The following TIAM2 variants were observed in gnomAD, a reference collection of about 807,000 sequenced individuals.
The protein encoded by TIAM2 is rho guanine nucleotide exchange factor TIAM2.
TIAM2 carries 80 observed loss-of-function variants against 152.9 expected under a neutral mutation model. The observed-to-expected ratio is 0.52, with a 90% confidence interval of 0.44 to 0.63. The LOEUF is 0.63. Ranked by LOEUF, TIAM2 falls within the 30% of genes least tolerant of loss-of-function variation. TIAM2 has a pLI of 0.00. For missense variants in TIAM2, 1,965 were observed against 2,120.1 expected (o/e 0.93, Z 1.44); for synonymous variants, 804 against 838.0 (o/e 0.96, Z 0.70).
intron 7 of TIAM2, among the ~76,000 whole-genome samples, chr6:155,154,145 A>T (rs1201032249): frequency 1.3e-5 from 2 of 152,238 alleles, no homozygotes; most frequent in African/African-American, 4.8e-5. Context: ...TATCTGTAAA[A>T]GAGCAGTGCT....
chr6:155,062,601 G>A (rs559506252), intron 1 of TIAM2, among the ~76,000 whole-genome samples: 135 of 137,736 alleles, frequency 9.8e-4, no homozygotes, highest in African/African-American at 3.2e-3. Context: ...TTTTTGAGAC[G>A]GAGTCTTGCT....
intron 14 of TIAM2, among the ~76,000 whole-genome samples, chr6:155,192,139 C>T (rs1781222435): frequency 6.6e-6 from 1 of 151,928 alleles, no homozygotes; most frequent in South Asian, 2.1e-4. Flanking sequence ...CAGCCACGAG[C>T]CAAGGAATGC....
chr6:155,063,383 G>A (rs989101476), intron 1 of TIAM2, among the ~76,000 whole-genome samples: 3 of 151,796 alleles, frequency 2.0e-5, no homozygotes, highest in East Asian at 3.8e-4. Flanking sequence ...CATGTTGTGC[G>A]TGTGTGGGTA....
chr6:155,198,690 A>AAAAAAAT (rs1781408545), intron 14 of TIAM2, among the ~76,000 whole-genome samples: 1 of 138,936 alleles, frequency 7.2e-6, no homozygotes, highest in Non-Finnish European at 1.6e-5. Flanking sequence ...AAAAAAAAAA[A>AAAAAAAT]TCTCTTAATG....
intron 1 of TIAM2, among the ~76,000 whole-genome samples, chr6:155,083,250 G>A (rs775003196): frequency 2.0e-5 from 3 of 151,388 alleles, no homozygotes; most frequent in Non-Finnish European, 2.9e-5. Context: ...TCAGGAGGCC[G>A]AGGCAGGAGA....
intron 14 of TIAM2, among the ~76,000 whole-genome samples, chr6:155,188,421 G>C (rs1484457426): frequency 6.6e-6 from 1 of 152,228 alleles, no homozygotes; most frequent in Non-Finnish European, 1.5e-5. Flanking sequence ...CAAAATGAGT[G>C]ACCATTTGAT....
chr6:155,199,070 T>A (rs1225096524), intron 14 of TIAM2, among the ~76,000 whole-genome samples: 1 of 38,582 alleles, frequency 2.6e-5, no homozygotes, highest in South Asian at 9.7e-4. Context: ...AACTTCTTTA[T>A]TTTTTTTTTT....
chr6:155,010,776 G>A (rs1778474724), intron 1 of TIAM2, among the ~76,000 whole-genome samples: 2 of 152,016 alleles, frequency 1.3e-5, no homozygotes, highest in African/African-American at 2.4e-5. Context: ...TAGGCCAGGC[G>A]CGGTGGCTCA....
At chr6:155,136,870 C>T (rs1296838088) in intron 4 of TIAM2, among the ~76,000 whole-genome samples, 1 of 152,176 alleles carries the variant, frequency 6.6e-6, no homozygotes, top group Non-Finnish European at 1.5e-5. Flanking sequence ...GTAATCTTCA[C>T]TAGTGTGTTG....
chr6:155,117,206 A>G (rs1016133419), intron 2 of TIAM2, among the ~76,000 whole-genome samples: 4 of 152,064 alleles, frequency 2.6e-5, no homozygotes, highest in Non-Finnish European at 5.9e-5. Flanking sequence ...AAAAAACAAA[A>G]TTTTTATTGG....
chr6:155,066,843 C>A (rs900517132), intron 1 of TIAM2, among the ~76,000 whole-genome samples: 1 of 152,038 alleles, frequency 6.6e-6, no homozygotes, highest in Non-Finnish European at 1.5e-5. Flanking sequence ...GCAACCTCTG[C>A]CTCCCAGGTT....
chr6:155,173,525 G>A (rs1780685952), intron 9 of TIAM2, among the ~76,000 whole-genome samples: 1 of 152,168 alleles, frequency 6.6e-6, no homozygotes, highest in Non-Finnish European at 1.5e-5. Flanking sequence ...CTTCCAGAGA[G>A]CATTAAGAAC....
chr6:155,006,439 T>C (rs1404957905), intron 1 of TIAM2, among the ~76,000 whole-genome samples: 3 of 150,520 alleles, frequency 2.0e-5, no homozygotes, highest in Non-Finnish European at 4.4e-5. Flanking sequence ...GAGGCTGAGG[T>C]GGGTGGATCA....
At chr6:155,056,197 A>T (rs9371853) in intron 1 of TIAM2, among the ~76,000 whole-genome samples, 1 of 125,120 alleles carries the variant, frequency 8.0e-6, no homozygotes, top group Non-Finnish European at 1.6e-5. Context: ...TTTGAGACAG[A>T]GTCTCGCTCT....
intron 14 of TIAM2, among the ~76,000 whole-genome samples, chr6:155,194,646 A>G (rs914643157): frequency 2.0e-5 from 3 of 152,212 alleles, no homozygotes; most frequent in East Asian, 3.9e-4. Flanking sequence ...GAGTCATTCA[A>G]CAAATATTTG....
chr6:155,177,009 G>T, intron 10 of TIAM2, 32 bp downstream of exon 10: 1 of 1,585,228 alleles, frequency 6.3e-7, no homozygotes, highest in Non-Finnish European at 8.6e-7. Context: ...ATATATTTCT[G>T]AATAGAAATA....
chr6:155,169,419 T>A (rs983331268), intron 9 of TIAM2, among the ~76,000 whole-genome samples: 28 of 152,224 alleles, frequency 1.8e-4, no homozygotes, highest in African/African-American at 6.5e-4. Flanking sequence ...TGCCAAGCAT[T>A]TTGGAGGTAT....
chr6:155,152,429 G>A (rs777782766), intron 7 of TIAM2, among the ~76,000 whole-genome samples: 4 of 152,176 alleles, frequency 2.6e-5, no homozygotes, highest in Admixed American at 6.5e-5. Flanking sequence ...TTCAGCTCCC[G>A]AGGCAGTGCA....
chr6:155,196,438 G>T (rs1166107914), intron 14 of TIAM2, among the ~76,000 whole-genome samples: 1 of 152,172 alleles, frequency 6.6e-6, no homozygotes, highest in Non-Finnish European at 1.5e-5. Flanking sequence ...AACAGAAAGA[G>T]AAAGGGGGGA....
Sources: allele counts gnomAD v4.1 joint callset (sites outside exome capture counted in the v4.1 genomes callset), GRCh38; gene constraint gnomAD v4.1.1; transcripts MANE v1.5; gene names NCBI Gene and HGNC (gene_info 2026-07-23, HGNC 2026-07-21).